Variants in CACNA2D3 observed in about 807,000 individuals in gnomAD.
CACNA2D3 encodes voltage-dependent calcium channel subunit alpha-2/delta-3.
CACNA2D3 carries 60 observed loss-of-function variants against 160.6 expected under a neutral mutation model. That is an observed-to-expected ratio of 0.37 (90% confidence interval 0.30 to 0.46). The LOEUF (loss-of-function observed/expected upper bound fraction) is 0.46, where lower values mean the gene tolerates loss of function less well. Among genes scored for constraint, CACNA2D3 ranks in the 20% least tolerant of loss-of-function variants. The probability of loss-of-function intolerance (pLI) is 1.00; values close to 1 mark genes in which losing one functional copy is unlikely to be tolerated. For missense variants in CACNA2D3, 1,205 were observed against 1,365.0 expected, an observed-to-expected ratio of 0.88 and a Z score of 1.85; for synonymous variants, 558 against 492.9, an observed-to-expected ratio of 1.13 and a Z score of -1.75.
At chr3:54,440,959 G>A (rs889304738) in intron 4 of CACNA2D3, among the ~76,000 whole-genome samples, 3 of 152,172 alleles carry the variant, frequency 2.0e-5, no homozygotes, top group Non-Finnish European at 2.9e-5. Flanking sequence ...GTGTGCATGT[G>A]TCTTTATAGC....
intron 28 of CACNA2D3, among the ~76,000 whole-genome samples, chr3:54,969,353 T>A (rs1702222683): frequency 6.8e-6 from 1 of 147,956 alleles, no homozygotes; most frequent in Non-Finnish European, 1.5e-5. Context: ...TCCACCTCCC[T>A]GGTTCAAGTG....
At chr3:54,536,670 C>A (rs1185926976) in intron 5 of CACNA2D3, among the ~76,000 whole-genome samples, 1 of 152,208 alleles carries the variant, frequency 6.6e-6, no homozygotes, top group Non-Finnish European at 1.5e-5. Flanking sequence ...TGGGCCACAG[C>A]CAGCAGGCCC....
intron 4 of CACNA2D3, among the ~76,000 whole-genome samples, chr3:54,490,240 CAGAA>C (rs1359566901): frequency 6.6e-6 from 1 of 152,342 alleles, no homozygotes; most frequent in African/African-American, 2.4e-5. Flanking sequence ...CATTCGATCA[CAGAA>C]AGACCTGAGG....
intron 2 of CACNA2D3, among the ~76,000 whole-genome samples, chr3:54,164,156 G>A (rs1016270979): frequency 4.6e-5 from 7 of 152,214 alleles, no homozygotes; most frequent in Non-Finnish European, 4.4e-5. Flanking sequence ...CTCAGGGGAG[G>A]AGGACGGCTT....
At chr3:54,488,337 A>G (rs1312202056) in intron 4 of CACNA2D3, among the ~76,000 whole-genome samples, 1 of 152,198 alleles carries the variant, frequency 6.6e-6, no homozygotes. Flanking sequence ...GATGAATGAA[A>G]GAACTGATGA....
intron 11 of CACNA2D3, among the ~76,000 whole-genome samples, chr3:54,651,673 G>A (rs1699766975): frequency 6.6e-6 from 1 of 152,072 alleles, no homozygotes; most frequent in Non-Finnish European, 1.5e-5. Context: ...GGGCTGGCTT[G>A]GGGATTTTGT....
chr3:54,647,032 G>A (rs1699665920), intron 11 of CACNA2D3, among the ~76,000 whole-genome samples: 3 of 152,194 alleles, frequency 2.0e-5, no homozygotes, highest in Admixed American at 2.0e-4. Context: ...AAAAAGGCTG[G>A]ACCCTCAGTC....
At chr3:54,662,632 G>A (rs1056806899) in intron 11 of CACNA2D3, among the ~76,000 whole-genome samples, 1 of 152,208 alleles carries the variant, frequency 6.6e-6, no homozygotes, top group Non-Finnish European at 1.5e-5. Context: ...GCCAGCAAGT[G>A]CGTCTGCTGG....
intron 4 of CACNA2D3, among the ~76,000 whole-genome samples, chr3:54,496,559 T>C (rs1701206201): frequency 6.6e-6 from 1 of 152,312 alleles, no homozygotes; most frequent in Admixed American, 6.5e-5. Context: ...TTTTCAGATG[T>C]GTGTATTACG....
Position 54,888,032 on chromosome 3 carries a change from C to G in CACNA2D3, c.2130C>G (p.Ser710Arg), listed in dbSNP as rs780702411. 4 of 1,613,748 alleles carry G rather than the reference C, an allele frequency of 2.5e-6. No homozygotes were observed. Among genetic ancestry groups the G allele is most frequent in the Non-Finnish European group, 1.7e-6 (2 of 1,179,696 alleles). ...VSAPIEAYWT[S>R]LALNKSENSD... ...CCCCCATTGAAGCGTATTGGACCAG[C>G]CTGGCCCTCAACAAATCTGAGTAAG... The change falls in exon 24 of 38, where the codon AGC (serine) becomes AGG (arginine). Residue 710 changes from serine (S) to arginine (R), a missense_variant. Coordinates refer to ENST00000474759, the MANE Select transcript of CACNA2D3 (RefSeq NM_018398.3).
At chr3:54,660,280 C>T (rs189175579) in intron 11 of CACNA2D3, among the ~76,000 whole-genome samples, 4 of 152,094 alleles carry the variant, frequency 2.6e-5, no homozygotes, top group Admixed American at 2.6e-4. Context: ...TCTGCCTCAG[C>T]CTCCTGAGTA....
chr3:54,152,545 C>T (rs1216432951), intron 2 of CACNA2D3, among the ~76,000 whole-genome samples: 4 of 152,156 alleles, frequency 2.6e-5, no homozygotes, highest in East Asian at 1.9e-4. Context: ...CATTTGTCCA[C>T]CTCGTGGCCC....
At chr3:54,935,754 T>C (rs1701312394) in intron 27 of CACNA2D3, among the ~76,000 whole-genome samples, 1 of 152,262 alleles carries the variant, frequency 6.6e-6, no homozygotes, top group Admixed American at 6.5e-5. Context: ...TTTTAAATTA[T>C]AGCTTACTGT....
At chr3:54,291,563 G>C (rs1179714810) in intron 2 of CACNA2D3, among the ~76,000 whole-genome samples, 3 of 152,132 alleles carry the variant, frequency 2.0e-5, no homozygotes, top group Non-Finnish European at 4.4e-5. Flanking sequence ...AAAGGTAAGT[G>C]TTAATTACTA....
At chr3:54,392,682 G>A (rs1699301863) in intron 4 of CACNA2D3, among the ~76,000 whole-genome samples, 1 of 151,948 alleles carries the variant, frequency 6.6e-6, no homozygotes, top group Non-Finnish European at 1.5e-5. Flanking sequence ...GGAGTGGAGG[G>A]GGAATAAAGA....
intron 11 of CACNA2D3, among the ~76,000 whole-genome samples, chr3:54,692,818 A>G (rs1188401359): frequency 6.6e-6 from 1 of 152,230 alleles, no homozygotes. Context: ...TGTATTCTAC[A>G]GATGTCTCTG....
Position 54,688,377 on chromosome 3 carries a change from T to G in CACNA2D3, c.1167+46136T>G, listed in dbSNP as rs1700508604. Among the ~76,000 whole-genome samples the G allele has an allele frequency of 2.0e-5, 3 of 152,236 alleles. No individual in the cohort carries two copies. In the South Asian group the frequency reaches 6.2e-4, roughly 32 times the overall value. ...TTTTTATTTGTTACCTTTTTCACTT[T>G]CTCTTTTTCCTGTGCCTTTTTTCCT... On this transcript the variant is annotated intron_variant, in intron 11 of 37. Transcript: ENST00000474759.
At chr3:54,638,861 G>T (rs953235851) in intron 10 of CACNA2D3, 1 of 151,896 alleles carries the variant, frequency 6.6e-6, no homozygotes, top group African/African-American at 2.4e-5. Context: ...AAAATAAGAC[G>T]CTTAGATTTT....
intron 13 of CACNA2D3, among the ~76,000 whole-genome samples, chr3:54,815,167 C>T (rs1032734141): frequency 3.3e-5 from 5 of 152,094 alleles, no homozygotes; most frequent in South Asian, 2.1e-4. Context: ...TTATGAGCTT[C>T]CTTTCTGAAT....
Sources: allele counts gnomAD v4.1 joint callset (sites outside exome capture counted in the v4.1 genomes callset), GRCh38; gene constraint gnomAD v4.1.1; transcripts MANE v1.5; gene names NCBI Gene and HGNC (gene_info 2026-07-23, HGNC 2026-07-21).